NBAS: variants seen among roughly 807,000 people sequenced by gnomAD.
The protein encoded by NBAS is NBAS subunit of NRZ tethering complex, also known as NAG/BC035112 fusion.
A neutral mutation model predicts 302.5 loss-of-function variants in NBAS; 219 were observed. That is an observed-to-expected ratio of 0.72 (90% CI 0.65 to 0.81). The LOEUF is 0.81. Ranked by LOEUF, NBAS falls within the 30% of genes least tolerant of loss-of-function variation. The pLI, the probability that NBAS is intolerant of heterozygous loss-of-function variation, is 0.00. For missense variants in NBAS, 2,932 were observed against 2,841.6 expected, an observed-to-expected ratio of 1.03 and a Z score of -0.72; for synonymous variants, 1,118 against 1,021.6, an observed-to-expected ratio of 1.09 and a Z score of -1.80.
At chr2:15,556,733 T>C (rs1477529758) in intron 3 of NBAS, 50 bp downstream of exon 3, 32 of 1,458,352 alleles carry the variant, frequency 2.2e-5, no homozygotes, top group Non-Finnish European at 2.6e-5. Flanking sequence ...TAGAACAATA[T>C]TGTTTATATT....
At chr2:15,509,190 T>C (rs571098835) in intron 10 of NBAS, among the ~76,000 whole-genome samples, 12 of 152,332 alleles carry the variant, frequency 7.9e-5, no homozygotes, top group African/African-American at 2.6e-4. Flanking sequence ...CATATATTAG[T>C]GCCACTGATA....
chr2:14,842,654 G>C, the NBAS span, among the ~76,000 whole-genome samples: 3 of 151,664 alleles, frequency 2.0e-5, no homozygotes, highest in Non-Finnish European at 4.4e-5. Context: ...CAAAAAACAA[G>C]ATCAAAACCA....
intron 45 of NBAS, among the ~76,000 whole-genome samples, chr2:15,236,527 C>CAAAAAAAAAAAAAAA: frequency 3.5e-5 from 1 of 28,304 alleles, no homozygotes; most frequent in Non-Finnish European, 7.5e-5. Flanking sequence ...GACCCTGTCT[C>CAAAAAAAAAAAAAAA]AAAAAAAAAA....
chr2:15,034,239 A>AGAAAGAAG, the NBAS span, among the ~76,000 whole-genome samples: 2 of 82,586 alleles, frequency 2.4e-5, no homozygotes, highest in African/African-American at 5.3e-5. Flanking sequence ...AAAGAAGGAA[A>AGAAAGAAG]GAAAGAAAGA....
chr2:15,232,299 G>T (rs185953662), intron 47 of NBAS, 123 bp downstream of exon 47: 1 of 869,158 alleles, frequency 1.2e-6, no homozygotes, highest in Non-Finnish European at 1.9e-6. Flanking sequence ...GTGCAGAGCC[G>T]CTCCTTTCCC....
intron 21 of NBAS, among the ~76,000 whole-genome samples, chr2:15,434,749 C>T (rs765344379): frequency 6.6e-6 from 1 of 152,112 alleles, no homozygotes; most frequent in Non-Finnish European, 1.5e-5. Context: ...GCCAGTATTC[C>T]ATTCAGTGAG....
At chr2:15,532,976 A>G (rs1279532784) in intron 9 of NBAS, among the ~76,000 whole-genome samples, 1 of 152,244 alleles carries the variant, frequency 6.6e-6, no homozygotes, top group Non-Finnish European at 1.5e-5. Context: ...CCAGCATTTC[A>G]TAGATGAGAA....
At chr2:15,181,250 C>T (rs1035870949) in intron 50 of NBAS, among the ~76,000 whole-genome samples, 5 of 152,168 alleles carry the variant, frequency 3.3e-5, no homozygotes, top group African/African-American at 1.2e-4. Context: ...TGACACTTGG[C>T]TGACCTTGGC....
At chr2:15,265,308 C>T (rs1669029204) in intron 44 of NBAS, among the ~76,000 whole-genome samples, 1 of 152,152 alleles carries the variant, frequency 6.6e-6, no homozygotes, top group South Asian at 2.1e-4. Context: ...TGGATATCTC[C>T]TGCTTGTTGA....
intron 6 of NBAS, among the ~76,000 whole-genome samples, chr2:15,546,783 C>T (rs920753672): frequency 6.6e-6 from 1 of 152,198 alleles, no homozygotes; most frequent in African/African-American, 2.4e-5. Flanking sequence ...CCTTCCCAAC[C>T]TTTTTCATGT....
chr2:14,987,033 A>C, the NBAS span, among the ~76,000 whole-genome samples: 1 of 152,118 alleles, frequency 6.6e-6, no homozygotes, highest in Non-Finnish European at 1.5e-5. Flanking sequence ...TTATTAGATA[A>C]ATATAGATCT....
At chr2:14,873,030 C>T in the NBAS span, among the ~76,000 whole-genome samples, 3 of 152,164 alleles carry the variant, frequency 2.0e-5, no homozygotes, top group Non-Finnish European at 4.4e-5. Flanking sequence ...GTTCCACGTG[C>T]GGAAGGGGAC....
chr2:15,190,488 CT>C (rs946258460), intron 48 of NBAS, 85 bp from the exon 49 acceptor site: 65 of 1,487,838 alleles, frequency 4.4e-5, no homozygotes, highest in African/African-American at 2.9e-4. Context: ...TTTAATTAAA[CT>C]TTTTTTTAAA....
intron 22 of NBAS, among the ~76,000 whole-genome samples, chr2:15,427,016 A>G (rs1046526372): frequency 2.6e-5 from 4 of 152,146 alleles, no homozygotes; most frequent in Admixed American, 2.0e-4. Context: ...TTGGACATTC[A>G]GGTCATACAT....
At chr2:14,840,928 A>G in the NBAS span, among the ~76,000 whole-genome samples, 2 of 152,102 alleles carry the variant, frequency 1.3e-5, no homozygotes, top group Non-Finnish European at 2.9e-5. Flanking sequence ...TAACTCTGGT[A>G]TGAAGCCAGA....
At chr2:14,786,272 G>A in the NBAS span, among the ~76,000 whole-genome samples, 1 of 151,896 alleles carries the variant, frequency 6.6e-6, no homozygotes, top group African/African-American at 2.4e-5. Context: ...CAAAAAACCA[G>A]CTCCTGGATT....
chr2:15,014,259 A>C, the NBAS span, among the ~76,000 whole-genome samples: 1 of 152,172 alleles, frequency 6.6e-6, no homozygotes, highest in African/African-American at 2.4e-5. Context: ...TCAACAAAGA[A>C]ACATCAAATT....
chr2:15,516,087 T>C (rs1177077549), intron 9 of NBAS, among the ~76,000 whole-genome samples: 5 of 152,114 alleles, frequency 3.3e-5, no homozygotes. Context: ...TAAGGAAACA[T>C]CGAGAAGAAA....
chr2:14,869,944 A>T, the NBAS span, among the ~76,000 whole-genome samples: 35 of 152,300 alleles, frequency 2.3e-4, 1 homozygote, highest in East Asian at 6.8e-3. Flanking sequence ...GGTAGACATA[A>T]CTTAAATTAG....
Sources: gnomAD v4.1 joint callset for allele counts (sites outside exome capture counted in the v4.1 genomes callset) on GRCh38, gnomAD v4.1.1 for gene constraint, MANE v1.5 for transcripts, NCBI Gene and HGNC (gene_info 2026-07-23, HGNC 2026-07-21) for gene names.